Variants in PARD3B observed in about 807,000 individuals in gnomAD.
PARD3B encodes partitioning defective 3 homolog B.
In PARD3B, 103 loss-of-function variants were observed where a neutral mutation model predicts 130.2. The ratio of observed to expected loss-of-function variants is 0.79; its 90% CI spans 0.67 to 0.93. The LOEUF (loss-of-function observed/expected upper bound fraction) is 0.93. Ranked by LOEUF, PARD3B falls within the 40% of genes least tolerant of loss-of-function variation. The pLI is 0.00. For synonymous variants in PARD3B, 583 were observed against 553.2 expected, an observed-to-expected ratio of 1.05 and a Z score of -0.76; for missense variants, 1,609 against 1,499.2, an observed-to-expected ratio of 1.07 and a Z score of -1.21.
Position 205,085,207 on chromosome 2 carries a change from C to G in PARD3B, c.505-19219C>G, listed in dbSNP as rs77875619. On this transcript the variant is annotated intron_variant, in intron 4 of 22. Transcript: ENST00000406610. Reference sequence around the variant, plus strand: ...TTATGTAATTAATGACCTTTTAATTCCCTAGTAATATTTTATTGACAGCCT... The same window carrying G: ...TTATGTAATTAATGACCTTTTAATTGCCTAGTAATATTTTATTGACAGCCT... Among the ~76,000 whole-genome samples, 249 of 151,956 alleles carry G rather than the reference C, an allele frequency of 1.6e-3. 2 individuals are homozygous for G. The highest frequency in any genetic ancestry group is 5.8e-3 in the African/African-American group (240 of 41,518).
intron 22 of PARD3B, among the ~76,000 whole-genome samples, chr2:205,571,355 AG>A (rs1392155298): frequency 2.0e-5 from 3 of 152,230 alleles, no homozygotes; most frequent in African/African-American, 7.2e-5. Flanking sequence ...AGATGGAATG[AG>A]CTAACCTGAA....
rs1183862828 is a variant in PARD3B, at chr2:205,128,384, T to G, written c.1434+2647T>G. On this transcript the variant is annotated intron_variant, in intron 10 of 22. Coordinates refer to ENST00000406610, the MANE Select transcript of PARD3B (RefSeq NM_001302769.2). The surrounding 1 kb of genome is among the most constrained non-coding windows in gnomAD (Gnocchi z 4.5). ...TGCCCCTCCACCAGGTAAGGGATGC[T>G]GATTTATCCCAGTTTGAAGCTCTGA... Among the ~76,000 whole-genome samples, 1 of 152,214 alleles carries G rather than the reference T, an allele frequency of 6.6e-6. No homozygotes were observed. The highest frequency in any genetic ancestry group is 1.5e-5 in the Non-Finnish European group (1 of 68,036).
chr2:204,937,014 C>T (rs1202486790), intron 2 of PARD3B, among the ~76,000 whole-genome samples: 1 of 152,042 alleles, frequency 6.6e-6, no homozygotes. Flanking sequence ...AATATTATCC[C>T]CATTTGATAG....
intron 5 of PARD3B, among the ~76,000 whole-genome samples, chr2:205,113,128 C>A (rs75355823): frequency 0.013 from 2,043 of 152,210 alleles, 23 homozygotes; most frequent in East Asian, 0.034. Context: ...TTTTTATGAT[C>A]TGTACAGCAA....
intron 20 of PARD3B, among the ~76,000 whole-genome samples, chr2:205,481,451 G>T (rs1005241315): frequency 4.6e-5 from 7 of 152,124 alleles, no homozygotes; most frequent in African/African-American, 1.7e-4. Flanking sequence ...GAATGAAGGA[G>T]TCAGGAGCGG....
At chr2:204,937,590 T>G (rs1199748377) in intron 2 of PARD3B, among the ~76,000 whole-genome samples, 1 of 152,200 alleles carries the variant, frequency 6.6e-6, no homozygotes, top group East Asian at 1.9e-4. Flanking sequence ...ATTTCTTGAT[T>G]CTTGAAATAT....
At chr2:205,598,414 C>T (rs985525157) in intron 22 of PARD3B, among the ~76,000 whole-genome samples, 2 of 151,338 alleles carry the variant, frequency 1.3e-5, no homozygotes, top group Non-Finnish European at 2.9e-5. Flanking sequence ...AACAAGAACA[C>T]TTAACTATCT....
intron 22 of PARD3B, among the ~76,000 whole-genome samples, chr2:205,608,261 C>T (rs2055090169): frequency 6.6e-6 from 1 of 151,718 alleles, no homozygotes; most frequent in African/African-American, 2.4e-5. Flanking sequence ...CCTGTTAGCC[C>T]CCAAAGTCTG....
At chr2:205,092,848 A>G (rs1702190882) in intron 4 of PARD3B, among the ~76,000 whole-genome samples, 1 of 152,192 alleles carries the variant, frequency 6.6e-6, no homozygotes, top group Admixed American at 6.5e-5. Context: ...GCGATTGTGG[A>G]ACTTAGTTGA....
In PARD3B at chr2:205,513,601, C is replaced by T. The variant is rs113432783; in HGVS notation, c.3180+13570C>T. Among the ~76,000 whole-genome samples the T allele has an allele frequency of 2.0e-4, 31 of 152,162 alleles. No individual in the cohort carries two copies. In the South Asian group the frequency reaches 6.0e-3, roughly 30 times the overall value. Reference sequence around the variant, plus strand: ...TTAAGGAAAAGAATAGTCATTTTCACGTATGTTCTGTCACTTTGGCCCCAG... The same window carrying T: ...TTAAGGAAAAGAATAGTCATTTTCATGTATGTTCTGTCACTTTGGCCCCAG... On this transcript the variant is annotated intron_variant, in intron 21 of 22. Transcript: ENST00000406610.
At chr2:205,322,191 C>A (rs1377698499) in intron 18 of PARD3B, among the ~76,000 whole-genome samples, 1 of 152,112 alleles carries the variant, frequency 6.6e-6, no homozygotes, top group African/African-American at 2.4e-5. Flanking sequence ...CATAAATGCA[C>A]AAAGATAAAT....
intron 1 of PARD3B, among the ~76,000 whole-genome samples, chr2:204,655,635 C>A (rs1221684044): frequency 6.6e-6 from 1 of 152,114 alleles, no homozygotes; most frequent in Non-Finnish European, 1.5e-5. Context: ...CCAGGACATA[C>A]TATGTTTAGT....
chr2:205,043,138 A>G (rs1343586295), intron 3 of PARD3B, among the ~76,000 whole-genome samples: 1 of 152,002 alleles, frequency 6.6e-6, no homozygotes, highest in Non-Finnish European at 1.5e-5. Context: ...TATTTGTGTA[A>G]AAGTTTTGAT....
At chr2:205,259,826 G>T (rs1265880656) in intron 16 of PARD3B, among the ~76,000 whole-genome samples, 1 of 152,012 alleles carries the variant, frequency 6.6e-6, no homozygotes, top group Admixed American at 6.6e-5. Context: ...AAATGCTTCG[G>T]ATTTCAAATT....
chr2:205,148,742 A>G (rs568831054), intron 10 of PARD3B, among the ~76,000 whole-genome samples: 2 of 152,280 alleles, frequency 1.3e-5, no homozygotes, highest in East Asian at 3.9e-4. Context: ...TTTAAAAAAA[A>G]AAAGCTCTTT....
intron 2 of PARD3B, among the ~76,000 whole-genome samples, chr2:204,956,290 G>T (rs932899616): frequency 2.0e-5 from 3 of 152,216 alleles, no homozygotes; most frequent in Non-Finnish European, 1.5e-5. Flanking sequence ...CTAGAGAGAA[G>T]AAGTTGTAGG....
chr2:204,581,923 C>A (rs896066940), intron 1 of PARD3B, among the ~76,000 whole-genome samples: 1 of 152,182 alleles, frequency 6.6e-6, no homozygotes, highest in African/African-American at 2.4e-5. Flanking sequence ...GTTATTTTAA[C>A]CCCTTTGAGA....
Position 205,158,962 on chromosome 2 carries a change from G to C in PARD3B, c.1620+55G>C. On this transcript the variant is annotated intron_variant, in intron 11 of 22. Coordinates refer to ENST00000406610, the MANE Select transcript of PARD3B (RefSeq NM_001302769.2). This position sits in a 1 kb window ranked among gnomAD's most constrained non-coding sequence, Gnocchi z 5.4. ...TGAGAAGGCACTTGGAGATGTGACTGTTGTACTTAGAGACTGAATGGAGAA... is the reference window on the plus strand; with the variant it reads ...TGAGAAGGCACTTGGAGATGTGACTCTTGTACTTAGAGACTGAATGGAGAA... 4.4e-6 allele frequency: 7 copies of C among 1,574,320 alleles called. No homozygotes were observed. Among genetic ancestry groups the C allele is most frequent in the Non-Finnish European group, 5.2e-6 (6 of 1,148,924 alleles).
At position 205,230,302 on chromosome 2, in the gene PARD3B, A is replaced by G. The variant is rs2038768948; in HGVS notation, c.2141-15476A>G. Among the ~76,000 whole-genome samples, 2 of 152,162 alleles carry G rather than the reference A, an allele frequency of 1.3e-5. No homozygotes were observed. Among genetic ancestry groups the G allele is most frequent in the Non-Finnish European group, 2.9e-5 (2 of 68,030 alleles). ...GACCCATGGCAAGTACTGCCTGGCT[A>G]CTGCTGCTAATTATTCAGGACCCAC... On this transcript the variant is annotated intron_variant, in intron 15 of 22. Transcript: ENST00000406610. The surrounding 1 kb of genome is among the most constrained non-coding windows in gnomAD (Gnocchi z 4.1).
Sources: allele counts gnomAD v4.1 joint callset (sites outside exome capture counted in the v4.1 genomes callset), GRCh38; gene constraint gnomAD v4.1.1; non-coding constraint Gnocchi (gnomAD v3.1); transcripts MANE v1.5; gene names NCBI Gene and HGNC (gene_info 2026-07-23, HGNC 2026-07-21).